LRRC4C: variants seen among roughly 807,000 people sequenced by gnomAD.
LRRC4C encodes the protein leucine-rich repeat-containing protein 4C.
Under a neutral mutation model 33.6 loss-of-function variants are expected in LRRC4C, and 5 were observed. That is an observed-to-expected ratio of 0.15 (90% confidence interval 0.08 to 0.31). The LOEUF is 0.31. LRRC4C is among the 10% of genes least tolerant of loss of function. The pLI is 1.00. For missense variants in LRRC4C, 560 were observed against 796.7 expected (o/e 0.70, Z 3.58); for synonymous variants, 329 against 302.0 (o/e 1.09, Z -0.93).
intron 2 of LRRC4C, among the ~76,000 whole-genome samples, chr11:40,850,062 A>AT (rs1421574014): frequency 6.6e-6 from 1 of 151,810 alleles, no homozygotes; most frequent in African/African-American, 2.4e-5. Flanking sequence ...GCTTCCTTGC[A>AT]TTGGGTTAGA....
At chr11:41,221,226 T>C (rs1947291527) in intron 1 of LRRC4C, among the ~76,000 whole-genome samples, 1 of 150,536 alleles carries the variant, frequency 6.6e-6, no homozygotes, top group African/African-American at 2.4e-5. Flanking sequence ...CATAAAAAAG[T>C]GGGCAAAGGA....
chr11:40,697,915 A>G (rs1565647222), intron 2 of LRRC4C, among the ~76,000 whole-genome samples: 1 of 151,966 alleles, frequency 6.6e-6, no homozygotes, highest in Non-Finnish European at 1.5e-5. Flanking sequence ...AAAAATACAA[A>G]AAATTAGCCA....
chr11:41,060,742 T>C (rs775320786), intron 1 of LRRC4C, among the ~76,000 whole-genome samples: 21 of 152,168 alleles, frequency 1.4e-4, no homozygotes, highest in Non-Finnish European at 2.5e-4. Context: ...CTTAAAACTA[T>C]TTTTATTCTT....
At chr11:40,884,696 C>T (rs1264997087) in intron 2 of LRRC4C, among the ~76,000 whole-genome samples, 2 of 151,934 alleles carry the variant, frequency 1.3e-5, no homozygotes, top group African/African-American at 4.8e-5. Flanking sequence ...GGTTTTAGGT[C>T]AAATTTGATA....
At chr11:40,457,114 AAG>A (rs1352019366) in intron 3 of LRRC4C, among the ~76,000 whole-genome samples, 1 of 140,012 alleles carries the variant, frequency 7.1e-6, no homozygotes, top group East Asian at 2.0e-4. Flanking sequence ...AAAAAAAAAA[AAG>A]AAAAAAAAAA....
intron 5 of LRRC4C, among the ~76,000 whole-genome samples, chr11:40,221,398 G>A (rs1402751156): frequency 6.6e-6 from 1 of 152,144 alleles, no homozygotes; most frequent in Non-Finnish European, 1.5e-5. Context: ...AATGTGTTTT[G>A]TTGTTGCTAT....
chr11:41,059,708 T>C (rs1314987170), intron 1 of LRRC4C, among the ~76,000 whole-genome samples: 1 of 152,060 alleles, frequency 6.6e-6, no homozygotes, highest in Non-Finnish European at 1.5e-5. Context: ...GAGTAGTCCT[T>C]AGGTAGGCAG....
chr11:40,438,970 G>A (rs1477172140), intron 3 of LRRC4C, among the ~76,000 whole-genome samples: 17 of 126,372 alleles, frequency 1.3e-4, no homozygotes, highest in East Asian at 4.7e-4. Context: ...TCACTCTGTC[G>A]CCCAGCCTGG....
intron 3 of LRRC4C, among the ~76,000 whole-genome samples, chr11:40,425,340 G>A (rs1434207548): frequency 6.6e-6 from 1 of 152,152 alleles, no homozygotes; most frequent in African/African-American, 2.4e-5. Flanking sequence ...TAGCCAGCAG[G>A]GGGATATGCA....
chr11:41,244,232 A>G (rs1948366214), intron 1 of LRRC4C, among the ~76,000 whole-genome samples: 1 of 152,012 alleles, frequency 6.6e-6, no homozygotes, highest in Admixed American at 6.5e-5. Flanking sequence ...AAGAAGGAAG[A>G]AAAGAGGGCA....
intron 5 of LRRC4C, among the ~76,000 whole-genome samples, chr11:40,210,082 G>T (rs1863470597): frequency 6.6e-6 from 1 of 151,916 alleles, no homozygotes; most frequent in Non-Finnish European, 1.5e-5. Context: ...AAACTTAAGA[G>T]TTAAGCTATG....
intron 4 of LRRC4C, among the ~76,000 whole-genome samples, chr11:40,306,550 CCAGTT>C (rs767540858): frequency 8.5e-5 from 13 of 152,298 alleles, no homozygotes; most frequent in Non-Finnish European, 1.6e-4. Context: ...TGCTTTCACT[CCAGTT>C]CAGATCCTGA....
chr11:40,548,059 C>G (rs1280722353), intron 3 of LRRC4C, among the ~76,000 whole-genome samples: 1 of 151,944 alleles, frequency 6.6e-6, no homozygotes, highest in Non-Finnish European at 1.5e-5. Flanking sequence ...ATGCTATTGA[C>G]TGGATCAAAG....
intron 2 of LRRC4C, among the ~76,000 whole-genome samples, chr11:40,814,012 T>C (rs73470902): frequency 0.025 from 3,794 of 152,280 alleles, 88 homozygotes; most frequent in African/African-American, 0.061. Context: ...CAGGCTAGCA[T>C]TGAGTCAGCG....
intron 2 of LRRC4C, among the ~76,000 whole-genome samples, chr11:40,826,090 C>G (rs1004108079): frequency 4.0e-5 from 6 of 151,834 alleles, no homozygotes; most frequent in Admixed American, 6.6e-5. Context: ...GGGAGACAGA[C>G]AGTTATTTTC....
chr11:40,329,480 G>C (rs992940283), intron 3 of LRRC4C, among the ~76,000 whole-genome samples: 1 of 152,166 alleles, frequency 6.6e-6, no homozygotes, highest in African/African-American at 2.4e-5. Flanking sequence ...GACTGGGCAG[G>C]AATCAGGGTT....
intron 3 of LRRC4C, among the ~76,000 whole-genome samples, chr11:40,548,391 A>G (rs1179617680): frequency 6.6e-6 from 1 of 152,090 alleles, no homozygotes; most frequent in Non-Finnish European, 1.5e-5. Context: ...ACACACAGAC[A>G]GATCACACAT....
intron 2 of LRRC4C, among the ~76,000 whole-genome samples, chr11:40,898,536 G>A (rs745382942): frequency 6.6e-6 from 1 of 151,630 alleles, no homozygotes; most frequent in South Asian, 2.1e-4. Context: ...CTAAATTCAT[G>A]CTTCACAAAC....
At chr11:40,390,883 T>C (rs1949308413) in intron 3 of LRRC4C, among the ~76,000 whole-genome samples, 1 of 152,038 alleles carries the variant, frequency 6.6e-6, no homozygotes, top group Non-Finnish European at 1.5e-5. Flanking sequence ...TTTTGTTTTG[T>C]TTTGTTTTTT....
Sources: allele counts gnomAD v4.1 joint callset (sites outside exome capture counted in the v4.1 genomes callset), GRCh38; gene constraint gnomAD v4.1.1; transcripts MANE v1.5; gene names NCBI Gene and HGNC (gene_info 2026-07-23, HGNC 2026-07-21).